COL21A1: variants seen among roughly 807,000 people sequenced by gnomAD.
The protein encoded by COL21A1 is collagen alpha-1(XXI) chain.
In COL21A1, 149 loss-of-function variants were observed where a neutral mutation model predicts 137.9. The ratio of observed to expected loss-of-function variants is 1.08; its 90% CI spans 0.95 to 1.24. COL21A1 has a LOEUF of 1.24. COL21A1 is among the 50% of genes most tolerant of loss of function. The pLI, the probability that COL21A1 is intolerant of heterozygous loss-of-function variation, is 0.00. For missense variants in COL21A1, 1,167 were observed against 1,158.4 expected (o/e 1.01, Z -0.11); for synonymous variants, 456 against 391.5 (o/e 1.16, Z -1.95).
chr6:56,142,836 C>G (rs1200955899), intron 10 of COL21A1, among the ~76,000 whole-genome samples: 1 of 152,142 alleles, frequency 6.6e-6, no homozygotes, highest in Non-Finnish European at 1.5e-5. Context: ...TGTTTGGGTA[C>G]CAGTCTTCAT....
At chr6:56,331,611 T>G (rs1433514537) in intron 1 of COL21A1, among the ~76,000 whole-genome samples, 1 of 152,044 alleles carries the variant, frequency 6.6e-6, no homozygotes, top group Non-Finnish European at 1.5e-5. Flanking sequence ...TATTTCTGCA[T>G]TCTCTATTCT....
At chr6:56,334,839 T>A (rs1765302862) in intron 1 of COL21A1, among the ~76,000 whole-genome samples, 1 of 152,282 alleles carries the variant, frequency 6.6e-6, no homozygotes, top group Middle Eastern at 3.4e-3. Context: ...GGGCTCCTGA[T>A]TAAAGAATGA....
chr6:56,098,049 AT>A, intron 17 of COL21A1, among the ~76,000 whole-genome samples: 1 of 49,000 alleles, frequency 2.0e-5, no homozygotes, highest in African/African-American at 9.8e-5. Context: ...ATAAATATAT[AT>A]AAATATATAT....
intron 1 of COL21A1, among the ~76,000 whole-genome samples, chr6:56,353,064 G>T (rs1765750134): frequency 6.6e-6 from 1 of 151,944 alleles, no homozygotes; most frequent in African/African-American, 2.4e-5. Flanking sequence ...AAGAAGAAAA[G>T]ATCTTCAGAT....
chr6:56,181,694 T>C (rs1026391134), intron 2 of COL21A1, among the ~76,000 whole-genome samples: 2 of 152,134 alleles, frequency 1.3e-5, no homozygotes, highest in African/African-American at 4.8e-5. Flanking sequence ...GAGAACCTCT[T>C]CCTTAGAGAG....
intron 16 of COL21A1, among the ~76,000 whole-genome samples, chr6:56,116,132 A>C (rs1771896635): frequency 6.6e-6 from 1 of 152,116 alleles, no homozygotes; most frequent in African/African-American, 2.4e-5. Context: ...AGAACTTCCC[A>C]AACCTAGAGA....
In COL21A1 at chr6:56,059,250, G is replaced by T. The variant is rs749013128; in HGVS notation, c.2609-8C>A. On this transcript the variant is annotated splice_polypyrimidine_tract_variant and splice_region_variant and intron_variant, in intron 28 of 29. Coordinates refer to ENST00000244728, the MANE Select transcript of COL21A1 (RefSeq NM_030820.4). ...CATTTCTTCCTGGTAGGCCTGCAGG[G>T]TGTCAAACATCTGAGTAAGTTTACT... The T allele has an allele frequency of 1.3e-6, 2 of 1,584,086 alleles. No individual in the cohort carries two copies. The highest frequency in any genetic ancestry group is 1.7e-6 in the Non-Finnish European group (2 of 1,168,462).
chr6:56,330,478 A>T (rs6901838), intron 1 of COL21A1, among the ~76,000 whole-genome samples: 106,407 of 151,872 alleles, frequency 0.7, 37,603 homozygotes, highest in East Asian at 0.9. Flanking sequence ...ACATTCCTTT[A>T]CTCCTCTGAT....
At chr6:56,171,585 C>T (rs907068568) in intron 3 of COL21A1, among the ~76,000 whole-genome samples, 1 of 151,820 alleles carries the variant, frequency 6.6e-6, no homozygotes, top group Non-Finnish European at 1.5e-5. Context: ...TCTTTTCTTG[C>T]ATTCTTAGCA....
intron 1 of COL21A1, among the ~76,000 whole-genome samples, chr6:56,203,537 C>T (rs1346382226): frequency 2.0e-5 from 3 of 152,176 alleles, no homozygotes; most frequent in Admixed American, 6.5e-5. Context: ...GCATGTGAGA[C>T]ATAAGACAGA....
rs375519838 is a variant in COL21A1, at chr6:56,183,421, T to C, written c.-38-765A>G. On this transcript the variant is annotated intron_variant, in intron 1 of 29. Transcript: ENST00000244728. Reference sequence around the variant, plus strand: ...AAAGGGAATACTGATGAGAAGGAATTTGCCACAGCATATAAAAAATCACTC... The same window carrying C: ...AAAGGGAATACTGATGAGAAGGAATCTGCCACAGCATATAAAAAATCACTC... Among the ~76,000 whole-genome samples, 4 of 152,302 alleles carry C rather than the reference T, an allele frequency of 2.6e-5. No individual in the cohort carries two copies. The South Asian group carries it at 6.2e-4, about 24-fold the overall frequency.
intron 20 of COL21A1, among the ~76,000 whole-genome samples, chr6:56,071,235 G>A (rs28452747): frequency 0.07 from 10,688 of 151,692 alleles, 418 homozygotes; most frequent in Middle Eastern, 0.11. Context: ...ATGCACAATG[G>A]CTTTTTTTGA....
chr6:56,269,572 G>A (rs553643676), intron 1 of COL21A1, among the ~76,000 whole-genome samples: 28 of 149,194 alleles, frequency 1.9e-4, no homozygotes, highest in East Asian at 7.9e-4. Flanking sequence ...GGAGAATGGC[G>A]TGAACCTGGG....
At chr6:56,313,092 G>A (rs1764648143) in intron 1 of COL21A1, among the ~76,000 whole-genome samples, 1 of 152,144 alleles carries the variant, frequency 6.6e-6, no homozygotes, top group South Asian at 2.1e-4. Context: ...GTGGGGCAGG[G>A]GAGGAGGATG....
chr6:56,079,418 T>C (rs1201896991), intron 17 of COL21A1, among the ~76,000 whole-genome samples: 1 of 151,714 alleles, frequency 6.6e-6, no homozygotes, highest in African/African-American at 2.4e-5. Flanking sequence ...CAGTCTGTGA[T>C]GTTAGCAGAA....
intron 3 of COL21A1, 68 bp from the exon 4 acceptor site, chr6:56,171,196 G>A: frequency 9.4e-7 from 1 of 1,066,992 alleles, no homozygotes; most frequent in East Asian, 2.4e-5. Context: ...AAAATCAAGG[G>A]AGAAATACTA....
chr6:56,114,461 C>CA (rs1159454498), intron 16 of COL21A1, among the ~76,000 whole-genome samples: 2 of 152,120 alleles, frequency 1.3e-5, no homozygotes, highest in Non-Finnish European at 2.9e-5. Flanking sequence ...ATTTAGAACT[C>CA]AAACAAATTT....
chr6:56,170,850 T>G lies in COL21A1; in HGVS notation c.825A>C (p.Glu275Asp), dbSNP rs1561942743. ...LSELTSNVFP[E>D]GLPPSYVFVS... ...CAAATACATATGATGGAGGAAGACC[T>G]TCTGGGAAAACATTGCTAGAAAAAG... Residue 275 changes from glutamate to aspartate, a missense_variant, in exon 5 of 30, where the codon GAA becomes GAC. Coordinates refer to ENST00000244728, the MANE Select transcript of COL21A1 (RefSeq NM_030820.4). The G allele has an allele frequency of 6.2e-7, 1 of 1,610,156 alleles. No homozygotes were observed. Among genetic ancestry groups the G allele is most frequent in the Non-Finnish European group, 8.5e-7 (1 of 1,177,900 alleles).
At chr6:56,165,241 T>C (rs1285768041) in intron 7 of COL21A1, among the ~76,000 whole-genome samples, 1 of 152,178 alleles carries the variant, frequency 6.6e-6, no homozygotes, top group Non-Finnish European at 1.5e-5. Flanking sequence ...TTAGGAGAGC[T>C]TCTCCTAAAA....
Sources: allele counts gnomAD v4.1 joint callset (sites outside exome capture counted in the v4.1 genomes callset), GRCh38; gene constraint gnomAD v4.1.1; transcripts MANE v1.5; gene names NCBI Gene and HGNC (gene_info 2026-07-23, HGNC 2026-07-21).